MRPL39: variants seen among roughly 807,000 people sequenced by gnomAD.
MRPL39 encodes the protein mitochondrial ribosomal protein L39, also known as large ribosomal subunit protein mL39.
Under a neutral mutation model 44.5 loss-of-function variants are expected in MRPL39, and 35 were observed. The observed-to-expected ratio is 0.79, with a 90% CI of 0.60 to 1.04. MRPL39 has a LOEUF of 1.04. MRPL39 is among the 50% of genes least tolerant of loss of function. The pLI is 0.00. For missense variants in MRPL39, 433 were observed against 413.5 expected, an observed-to-expected ratio of 1.05 and a Z score of -0.41; for synonymous variants, 139 against 136.1, an observed-to-expected ratio of 1.02 and a Z score of -0.15.
At chr21:25,599,774 T>TA in intron 5 of MRPL39, 25 bp downstream of exon 5, 1 of 1,577,668 alleles carries the variant, frequency 6.3e-7, no homozygotes, top group South Asian at 1.1e-5. Flanking sequence ...ACTCTAAAAT[T>TA]AATACTCCAG....
At chr21:25,604,657 CAATGCCAACTGTT>C (rs1395088246) in intron 2 of MRPL39, among the ~76,000 whole-genome samples, 3 of 150,650 alleles carry the variant, frequency 2.0e-5, no homozygotes, top group Non-Finnish European at 4.4e-5. Context: ...TCCCAGAATG[CAATGCCAACTGTT>C]AATGCCAATT....
intron 6 of MRPL39, among the ~76,000 whole-genome samples, chr21:25,595,208 C>T (rs1170861304): frequency 6.6e-6 from 1 of 152,214 alleles, no homozygotes; most frequent in Non-Finnish European, 1.5e-5. Context: ...TTAGGGAACA[C>T]TGGTTTATGC....
rs1318939869 is a variant in MRPL39, at chr21:25,597,291, C to CCAA, written c.701+8_701+10dup. ...AGAGTTAGCCTTGATTTAAAGAAAG[C>CCAA]CAACACTTACTTGCTGTGTTGAAAT... On this transcript the variant is annotated intron_variant, in intron 6 of 9. Coordinates refer to ENST00000352957, the MANE Select transcript of MRPL39 (RefSeq NM_017446.4). 6.6e-7 allele frequency: 1 copy of CCAA among 1,512,706 alleles called. No individual in the cohort carries two copies. The highest frequency in any genetic ancestry group is 9.1e-7 in the Non-Finnish European group (1 of 1,095,768). 93.7% of individuals were successfully genotyped at this position (1,512,706 alleles called of 1,614,324 possible).
At chr21:25,587,777 T>A in intron 9 of MRPL39, 1 of 1,612,028 alleles carries the variant, frequency 6.2e-7, no homozygotes, top group Non-Finnish European at 8.5e-7. Flanking sequence ...AGAAGGAGAA[T>A]GGGAAATGGA....
intron 3 of MRPL39, among the ~76,000 whole-genome samples, chr21:25,602,853 T>C (rs144766188): frequency 6.6e-6 from 1 of 152,208 alleles, no homozygotes; most frequent in Non-Finnish European, 1.5e-5. Context: ...AAACCATTAG[T>C]GACTGATATG....
At chr21:25,597,049 G>A (rs1412807899) in intron 6 of MRPL39, among the ~76,000 whole-genome samples, 1 of 152,178 alleles carries the variant, frequency 6.6e-6, no homozygotes, top group Admixed American at 6.5e-5. Context: ...AGAAAAAAGG[G>A]AAACATGCCA....
chr21:25,590,070 G>C (rs1351241464), intron 8 of MRPL39, among the ~76,000 whole-genome samples: 1 of 152,204 alleles, frequency 6.6e-6, no homozygotes, highest in African/African-American at 2.4e-5. Context: ...AGTGGAAAAT[G>C]CACTGTAGAT....
At chr21:25,607,047 T>C (rs1423334611) in intron 1 of MRPL39, among the ~76,000 whole-genome samples, 1 of 152,212 alleles carries the variant, frequency 6.6e-6, no homozygotes, top group Non-Finnish European at 1.5e-5. Context: ...ATGCTGAGTT[T>C]ATATCCCAAA....
At chr21:25,607,269 C>G in intron 1 of MRPL39, 134 bp downstream of exon 1, 1 of 944,162 alleles carries the variant, frequency 1.1e-6, no homozygotes, top group Non-Finnish European at 1.6e-6. Flanking sequence ...GCAAGAGCGA[C>G]CGCCGCGGAG....
At chr21:25,600,845 C>T (rs937197315) in intron 4 of MRPL39, among the ~76,000 whole-genome samples, 4 of 152,184 alleles carry the variant, frequency 2.6e-5, no homozygotes, top group Non-Finnish European at 5.9e-5. Flanking sequence ...CGGTGGCTCA[C>T]GCCTGTAATC....
In MRPL39 at chr21:25,607,434, C is replaced by A; in HGVS notation, c.42G>T (p.Trp14Cys). Reference sequence around the variant, plus strand: ...TGATCCCGCCACCGGGTGCGACCAGCCAGAGCCGCAGCGCCCGGGAACCCA... The same window carrying A: ...TGATCCCGCCACCGGGTGCGACCAGACAGAGCCGCAGCGCCCGGGAACCCA... ...LAMGSRALRLWLVAPGGGIKW... is the reference protein window; with the variant it reads ...LAMGSRALRLCLVAPGGGIKW... Residue 14 changes from tryptophan (W) to cysteine (C), a missense_variant, in exon 1 of 10, where the codon TGG becomes TGT. Trp to Cys is a radical substitution (Grantham distance 215, BLOSUM62 -2). Transcript: ENST00000352957. The A allele has an allele frequency of 6.2e-7, 1 of 1,613,402 alleles. No individual in the cohort carries two copies. Among genetic ancestry groups the A allele is most frequent in the Non-Finnish European group, 8.5e-7 (1 of 1,179,988 alleles).
intron 3 of MRPL39, among the ~76,000 whole-genome samples, chr21:25,602,806 G>A (rs572957956): frequency 5.3e-5 from 8 of 152,284 alleles, no homozygotes; most frequent in Admixed American, 3.3e-4. Flanking sequence ...CACATTTGGC[G>A]AAAGCATCAA....
At chr21:25,602,736 G>T (rs1198466926) in intron 3 of MRPL39, among the ~76,000 whole-genome samples, 1 of 152,170 alleles carries the variant, frequency 6.6e-6, no homozygotes, top group Admixed American at 6.5e-5. Context: ...CAAAGCAGAT[G>T]GCCTTTTAAT....
intron 7 of MRPL39, among the ~76,000 whole-genome samples, chr21:25,593,257 G>A (rs542042224): frequency 1.1e-3 from 175 of 152,272 alleles, no homozygotes; most frequent in Middle Eastern, 3.4e-3. Context: ...GCCTAAAACC[G>A]ATCATCTACA....
intron 3 of MRPL39, among the ~76,000 whole-genome samples, chr21:25,602,502 T>C (rs551145839): frequency 6.6e-6 from 1 of 152,374 alleles, no homozygotes; most frequent in East Asian, 1.9e-4. Context: ...ATTACTGTCA[T>C]TTCTATCATT....
intron 8 of MRPL39, among the ~76,000 whole-genome samples, chr21:25,590,061 G>C (rs1275847536): frequency 6.6e-6 from 1 of 152,236 alleles, no homozygotes; most frequent in Non-Finnish European, 1.5e-5. Context: ...TGGCTACTAA[G>C]TGGAAAATGC....
intron 9 of MRPL39, chr21:25,587,684 T>C (rs1452364513): frequency 2.6e-6 from 4 of 1,554,688 alleles, no homozygotes; most frequent in Non-Finnish European, 3.6e-6. Context: ...TATGAATAAT[T>C]ATTTGTTAGA....
In MRPL39 at chr21:25,597,408, A is replaced by C. The variant is rs751425511; in HGVS notation, c.595T>G (p.Leu199Val). 1 of 1,527,996 alleles carries C rather than the reference A, an allele frequency of 6.5e-7. No homozygotes were observed. Among genetic ancestry groups the C allele is most frequent in the Non-Finnish European group, 9.0e-7 (1 of 1,111,596 alleles). 94.7% of individuals were successfully genotyped at this position (1,527,996 alleles called of 1,614,324 possible). ...LDEWMPTKEN[L>V]RSFTKDAHAL... Reference sequence around the variant, plus strand: ...TGAGCATCTTTTGTGAAGGAACGTAAGTTCTCCTTAAAAATGAAAGTAATA... The same window carrying C: ...TGAGCATCTTTTGTGAAGGAACGTACGTTCTCCTTAAAAATGAAAGTAATA... The change falls in exon 6 of 10, where the codon TTA becomes GTA. Residue 199 changes from leucine (L) to valine (V), a missense_variant. Transcript: ENST00000352957.
intron 5 of MRPL39, 126 bp downstream of exon 5, chr21:25,599,669 CATAG>C (rs2031464571): frequency 1.3e-6 from 1 of 740,746 alleles, no homozygotes; most frequent in African/African-American, 1.8e-5. Context: ...TACATAGATA[CATAG>C]ATAGATACAT....
Sources: gnomAD v4.1 joint callset for allele counts (sites outside exome capture counted in the v4.1 genomes callset) on GRCh38, gnomAD v4.1.1 for gene constraint, MANE v1.5 for transcripts, NCBI Gene and HGNC (gene_info 2026-07-23, HGNC 2026-07-21) for gene names.